The following MMP26 variants were observed in gnomAD, a reference collection of about 807,000 sequenced individuals.
MMP26 encodes the protein matrix metallopeptidase 26, also known as matrix metalloproteinase-26.
In MMP26, 33 loss-of-function variants were observed where a neutral mutation model predicts 31.0. The ratio of observed to expected loss-of-function variants is 1.06; its 90% CI spans 0.81 to 1.42. MMP26 has a LOEUF of 1.42. Among genes scored for constraint, MMP26 ranks in the 40% most tolerant of loss-of-function variants. MMP26 has a pLI of 0.00. For missense variants in MMP26, 347 were observed against 316.1 expected (o/e 1.10, Z -0.74); for synonymous variants, 122 against 114.9 (o/e 1.06, Z -0.40).
chr11:4,723,042 G>C, intron 1 of MMP26: 1 of 1,102,338 alleles, frequency 9.1e-7, no homozygotes, highest in Non-Finnish European at 1.4e-6. Context: ...TCCAGGGCCA[G>C]TTTGACTTTC....
intron 2 of MMP26, chr11:4,876,530 T>G (rs1284220129): frequency 2.0e-5 from 3 of 152,174 alleles, no homozygotes; most frequent in Non-Finnish European, 4.4e-5. Context: ...CTCTTCTCTA[T>G]TTTCCTACTC....
chr11:4,907,430 G>T, intron 2 of MMP26: 6 of 1,613,862 alleles, frequency 3.7e-6, no homozygotes, highest in Non-Finnish European at 5.1e-6. Context: ...CCCAGGACTG[G>T]AACATGCCCA....
chr11:4,937,906 C>A (rs997099247), intron 2 of MMP26: 3 of 152,224 alleles, frequency 2.0e-5, no homozygotes, highest in Non-Finnish European at 2.9e-5. Flanking sequence ...TCTCAAAGGA[C>A]TGTGGATTGC....
At chr11:4,836,282 A>G (rs1274191565) in intron 2 of MMP26, among the ~76,000 whole-genome samples, 1 of 151,986 alleles carries the variant, frequency 6.6e-6, no homozygotes, top group East Asian at 1.9e-4. Flanking sequence ...CACCTACACA[A>G]CCTACTGACC....
intron 2 of MMP26, among the ~76,000 whole-genome samples, chr11:4,840,009 C>A (rs1849772481): frequency 6.6e-6 from 1 of 152,084 alleles, no homozygotes; most frequent in Non-Finnish European, 1.5e-5. Flanking sequence ...AGCCCTTGGG[C>A]CTTACAGGAA....
At chr11:4,911,296 T>G (rs1487471822) in intron 2 of MMP26, among the ~76,000 whole-genome samples, 1 of 152,202 alleles carries the variant, frequency 6.6e-6, no homozygotes, top group Non-Finnish European at 1.5e-5. Context: ...TATTTTTCCT[T>G]AATTTCACCT....
chr11:4,749,201 A>G (rs926479549), intron 1 of MMP26, among the ~76,000 whole-genome samples: 1 of 152,088 alleles, frequency 6.6e-6, no homozygotes, highest in Non-Finnish European at 1.5e-5. Context: ...TAATAGCTAC[A>G]AAGAATATGT....
At chr11:4,792,976 C>G (rs2412431) in intron 2 of MMP26, among the ~76,000 whole-genome samples, 10,596 of 152,084 alleles carry the variant, frequency 0.07, 726 homozygotes, top group African/African-American at 0.18. Context: ...AAACAAGCAA[C>G]TAAAATTAGA....
intron 2 of MMP26, among the ~76,000 whole-genome samples, chr11:4,870,695 G>C (rs556405824): frequency 1.3e-5 from 2 of 152,164 alleles, no homozygotes; most frequent in Admixed American, 1.3e-4. Context: ...TGTGGTTAGT[G>C]ATTTACTGAA....
chr11:4,848,067 T>C (rs1420780598), intron 2 of MMP26: 9 of 656,026 alleles, frequency 1.4e-5, no homozygotes, highest in Non-Finnish European at 2.3e-5. Context: ...TCTTTGGGGC[T>C]TGTAAGTTTG....
chr11:4,796,117 G>T (rs925911661), intron 2 of MMP26, among the ~76,000 whole-genome samples: 2 of 152,124 alleles, frequency 1.3e-5, no homozygotes, highest in Non-Finnish European at 2.9e-5. Flanking sequence ...ACCTACAGCT[G>T]CAGTTCCCGG....
intron 2 of MMP26, among the ~76,000 whole-genome samples, chr11:4,820,730 A>G (rs137987219): frequency 6.6e-6 from 1 of 152,214 alleles, no homozygotes; most frequent in Non-Finnish European, 1.5e-5. Flanking sequence ...CTTTATAAAG[A>G]TAACATTGGG....
At chr11:4,708,273 C>T (rs954160709) in intron 1 of MMP26, among the ~76,000 whole-genome samples, 2 of 152,184 alleles carry the variant, frequency 1.3e-5, no homozygotes, top group African/African-American at 4.8e-5. Flanking sequence ...CAGCCACTAT[C>T]TTTCTTTGCG....
chr11:4,739,316 C>T (rs1848282599), intron 1 of MMP26, among the ~76,000 whole-genome samples: 1 of 152,114 alleles, frequency 6.6e-6, no homozygotes, highest in African/African-American at 2.4e-5. Flanking sequence ...AGTCTTATTG[C>T]CATGCAGGTG....
intron 1 of MMP26, among the ~76,000 whole-genome samples, chr11:4,754,124 A>G (rs145187453): frequency 5.7e-4 from 86 of 150,654 alleles, no homozygotes; most frequent in African/African-American, 2.0e-3. Flanking sequence ...ACAGATGCAT[A>G]AACTAAAGTT....
chr11:4,991,572 G>C (rs906888252), intron 6 of MMP26, 76 bp downstream of exon 6: 8 of 1,559,904 alleles, frequency 5.1e-6, no homozygotes, highest in Non-Finnish European at 7.0e-6. Flanking sequence ...TCCATTTAGG[G>C]ATCCAGAGTG....
At position 4,821,435 on chromosome 11, in the gene MMP26, A is replaced by G. The variant is rs1250599305; in HGVS notation, c.-145+54094A>G. On this transcript the variant is annotated intron_variant, in intron 2 of 7. Transcript: ENST00000380390. ...CAGTGCTTCCCTATGTCGGTCCTCA[A>G]TAATACCATTGCTGAGCCTCTGATC... The G allele has an allele frequency of 4.3e-6, 7 of 1,613,774 alleles. No homozygotes were observed. The highest frequency in any genetic ancestry group is 1.3e-5 in the African/African-American group (1 of 74,896).
intron 1 of MMP26, among the ~76,000 whole-genome samples, chr11:4,706,188 A>G (rs1349673371): frequency 1.3e-5 from 2 of 152,164 alleles, no homozygotes; most frequent in Non-Finnish European, 2.9e-5. Context: ...ATTTTATTAG[A>G]GAGAAATATA....
At chr11:4,887,810 G>C (rs1382469942) in intron 2 of MMP26, among the ~76,000 whole-genome samples, 1 of 152,010 alleles carries the variant, frequency 6.6e-6, no homozygotes, top group Non-Finnish European at 1.5e-5. Flanking sequence ...ATTCCTCTGA[G>C]GAAACAAAAT....
Sources: allele counts gnomAD v4.1 joint callset (sites outside exome capture counted in the v4.1 genomes callset), GRCh38; gene constraint gnomAD v4.1.1; transcripts MANE v1.5; gene names NCBI Gene and HGNC (gene_info 2026-07-23, HGNC 2026-07-21).